Variants in SLC4A8 observed in about 807,000 individuals in gnomAD.
SLC4A8 encodes the protein electroneutral sodium bicarbonate exchanger 1.
SLC4A8 carries 40 observed loss-of-function variants against 125.0 expected under a neutral mutation model. The ratio of observed to expected loss-of-function variants is 0.32; its 90% CI spans 0.25 to 0.42. The LOEUF (loss-of-function observed/expected upper bound fraction) is 0.42, where lower values mean the gene tolerates loss of function less well. SLC4A8 is among the 10% of genes least tolerant of loss of function. The pLI is 1.00. For missense variants in SLC4A8, 863 were observed against 1,355.1 expected (o/e 0.64, Z 5.70); for synonymous variants, 456 against 476.0 (o/e 0.96, Z 0.55).
intron 1 of SLC4A8, among the ~76,000 whole-genome samples, chr12:51,417,807 C>T (rs189278384): frequency 1.0e-3 from 153 of 152,172 alleles, no homozygotes; most frequent in Non-Finnish European, 7.4e-4. Flanking sequence ...TGAGCCACTG[C>T]ACCCGGCCTA....
chr12:51,435,120 G>T (rs573614162), intron 1 of SLC4A8, among the ~76,000 whole-genome samples: 1 of 152,270 alleles, frequency 6.6e-6, no homozygotes, highest in East Asian at 1.9e-4. Flanking sequence ...GGATTTAGAG[G>T]CTTGATCAGA....
At chr12:51,469,915 C>A in intron 12 of SLC4A8, 127 bp downstream of exon 12, 1 of 770,378 alleles carries the variant, frequency 1.3e-6, no homozygotes, top group Non-Finnish European at 2.1e-6. Context: ...CTCTGAATTA[C>A]CATGGTCTTC....
intron 5 of SLC4A8, among the ~76,000 whole-genome samples, chr12:51,455,175 A>G (rs1055330226): frequency 6.0e-5 from 9 of 150,782 alleles, no homozygotes; most frequent in African/African-American, 2.2e-4. Flanking sequence ...TTCTTAGCAC[A>G]TAACAAAATG....
At position 51,495,080 on chromosome 12, in the gene SLC4A8, A is replaced by G. The variant is rs150808530; in HGVS notation, c.2905A>G (p.Ile969Val). The change falls in exon 21 of 25, where the codon ATC (isoleucine) becomes GTC (valine). Residue 969 changes from isoleucine (I) to valine (V), a missense_variant. Around this residue, in one of 6 missense-constraint regions of SLC4A8, gnomAD observed 197 missense variants for 377.7 expected, o/e 0.52. Transcript: ENST00000453097. ...GACCTGTCTCGTCCTGCTCTGGGTC[A>G]TCAAGGCATCTCCAGCTGCCATTGT... ...QLTCLVLLWV[I>V]KASPAAIVFP... 7 of 1,613,096 alleles carry G rather than the reference A, an allele frequency of 4.3e-6. No individual in the cohort carries two copies. The highest frequency in any genetic ancestry group is 5.9e-6 in the Non-Finnish European group (7 of 1,179,406).
rs1329002722 is a variant in SLC4A8, at chr12:51,512,769, A to G, written c.*5331A>G. ...CTATCTGGAGGGACATTAAAAAAAT[A>G]TGGCCATTCTCCCATCTAGGGGGTT... On this transcript the variant is annotated 3_prime_UTR_variant, in exon 25 of 25. Coordinates refer to ENST00000453097, the MANE Select transcript of SLC4A8 (RefSeq NM_001039960.3). 6.6e-6 allele frequency: 1 copy of G among 152,196 alleles called. No homozygotes were observed. The highest frequency in any genetic ancestry group is 1.9e-4 in the East Asian group (1 of 5,200). The allele number at this position is 152,196 out of a possible 1,614,324, so 9.4% of individuals were successfully genotyped here. A position where few individuals can be genotyped will look rare whatever the true frequency, so the allele number is the denominator to read the frequency against.
intron 11 of SLC4A8, 83 bp downstream of exon 11, chr12:51,463,797 C>A: frequency 1.1e-6 from 1 of 926,620 alleles, no homozygotes; most frequent in Non-Finnish European, 1.7e-6. Context: ...TTCTTTCAGC[C>A]TACTTCTCTG....
intron 14 of SLC4A8, 102 bp downstream of exon 14, chr12:51,471,634 TG>T: frequency 7.6e-7 from 1 of 1,317,456 alleles, no homozygotes; most frequent in Non-Finnish European, 1.1e-6. Flanking sequence ...GGTCAAGAAG[TG>T]TCTTGCCCTT....
At chr12:51,500,218 G>A (rs1021890864) in intron 22 of SLC4A8, among the ~76,000 whole-genome samples, 1 of 152,090 alleles carries the variant, frequency 6.6e-6, no homozygotes, top group African/African-American at 2.4e-5. Context: ...GAGGTGGCTG[G>A]TAGACATTAT....
intron 1 of SLC4A8, among the ~76,000 whole-genome samples, chr12:51,429,291 G>A (rs895144546): frequency 2.0e-5 from 3 of 152,204 alleles, no homozygotes; most frequent in Non-Finnish European, 2.9e-5. Flanking sequence ...CAAAGGATGT[G>A]CCCTTAATCA....
chr12:51,405,502 A>G (rs1415639342), intron 1 of SLC4A8, among the ~76,000 whole-genome samples: 1 of 152,194 alleles, frequency 6.6e-6, no homozygotes, highest in East Asian at 1.9e-4. Flanking sequence ...GGTCTCCACC[A>G]TTATATATAA....
At chr12:51,462,509 C>A in intron 10 of SLC4A8, 53 bp downstream of exon 10, 3 of 1,458,802 alleles carry the variant, frequency 2.1e-6, no homozygotes, top group Non-Finnish European at 2.8e-6. Flanking sequence ...GACTGCCCAC[C>A]ATGGACAAAG....
intron 1 of SLC4A8, among the ~76,000 whole-genome samples, chr12:51,411,250 T>C (rs950954621): frequency 2.0e-5 from 3 of 152,108 alleles, no homozygotes; most frequent in Non-Finnish European, 1.5e-5. Flanking sequence ...GCTCTATTGC[T>C]TTTCAATTTT....
chr12:51,446,470 G>A (rs1949776419), intron 2 of SLC4A8, among the ~76,000 whole-genome samples: 1 of 152,186 alleles, frequency 6.6e-6, no homozygotes, highest in South Asian at 2.1e-4. Context: ...GGCATCCAAG[G>A]CACTTTAACC....
At chr12:51,465,365 C>G (rs986364537) in intron 11 of SLC4A8, among the ~76,000 whole-genome samples, 1 of 152,056 alleles carries the variant, frequency 6.6e-6, no homozygotes. Flanking sequence ...CCAAAGAAAA[C>G]AAATAGATTA....
chr12:51,502,206 A>G (rs1592280782), intron 22 of SLC4A8: 4 of 152,348 alleles, frequency 2.6e-5, no homozygotes, highest in Admixed American at 2.6e-4. Context: ...AAAAGAAATC[A>G]TCTCTGATTT....
At chr12:51,408,837 C>T (rs1948542591) in intron 1 of SLC4A8, among the ~76,000 whole-genome samples, 1 of 152,138 alleles carries the variant, frequency 6.6e-6, no homozygotes, top group African/African-American at 2.4e-5. Flanking sequence ...GTGATGCGCA[C>T]TCCAGAGCAT....
rs1184239346 is a variant in SLC4A8, at chr12:51,514,614, G to A, written c.*7176G>A. 1 of 152,160 alleles carries A rather than the reference G, an allele frequency of 6.6e-6. No homozygotes were observed. The highest frequency in any genetic ancestry group is 1.5e-5 in the Non-Finnish European group (1 of 68,038). 9.4% of individuals were successfully genotyped at this position (152,160 alleles called of 1,614,324 possible). The stretch of plus-strand genomic sequence containing the variant: ...AGGGTGAGGGACTAAGAATTCTCAA[G>A]CCTTCAGTTTCATCCATATTTCAAT... On this transcript the variant is annotated 3_prime_UTR_variant, in exon 25 of 25. Transcript: ENST00000453097.
At chr12:51,463,139 C>CCTA (rs1328470670) in intron 10 of SLC4A8, among the ~76,000 whole-genome samples, 1 of 152,104 alleles carries the variant, frequency 6.6e-6, no homozygotes, top group Non-Finnish European at 1.5e-5. Context: ...GAAAGGAACT[C>CCTA]CTACTGTGTA....
At chr12:51,474,554 G>A (rs1402026739) in intron 15 of SLC4A8, 107 bp downstream of exon 15, 16 of 1,468,432 alleles carry the variant, frequency 1.1e-5, no homozygotes, top group Non-Finnish European at 1.5e-5. Flanking sequence ...GGCATTTACC[G>A]AAATAAAGCT....
Sources: gnomAD v4.1 joint callset for allele counts (sites outside exome capture counted in the v4.1 genomes callset) on GRCh38, gnomAD v4.1.1 for gene constraint, gnomAD v4.1.1 regional missense constraint, MANE v1.5 for transcripts, NCBI Gene and HGNC (gene_info 2026-07-23, HGNC 2026-07-21) for gene names.